Variants in UBE2L3 observed in about 807,000 individuals in gnomAD.
The protein encoded by UBE2L3 is ubiquitin conjugating enzyme E2 L3.
A neutral mutation model predicts 17.8 loss-of-function variants in UBE2L3; 1 was observed. That is an observed-to-expected ratio of 0.06 (90% CI 0.02 to 0.27). The LOEUF (loss-of-function observed/expected upper bound fraction) is 0.27, where lower values mean the gene tolerates loss of function less well. UBE2L3 is among the 10% of genes least tolerant of loss of function. The probability of loss-of-function intolerance (pLI) is 1.00; values close to 1 mark genes in which losing one functional copy is unlikely to be tolerated. For missense variants in UBE2L3, 40 were observed against 192.6 expected (o/e 0.21, Z 4.69); for synonymous variants, 44 against 68.5 (o/e 0.64, Z 1.76).
chr22:21,604,015 A>G (rs2266964), intron 2 of UBE2L3, among the ~76,000 whole-genome samples: 46,363 of 149,890 alleles, frequency 0.31, 8,258 homozygotes, highest in East Asian at 0.51. Context: ...GGGCTTAAGC[A>G]ATCCTCCCAC....
intron 1 of UBE2L3, among the ~76,000 whole-genome samples, chr22:21,591,624 A>G (rs1258897902): frequency 6.6e-6 from 1 of 152,028 alleles, no homozygotes; most frequent in Non-Finnish European, 1.5e-5. Flanking sequence ...TGCCTTTTAA[A>G]CTACCACTGT....
chr22:21,582,582 A>G (rs544003244), intron 1 of UBE2L3, among the ~76,000 whole-genome samples: 3 of 151,502 alleles, frequency 2.0e-5, no homozygotes, highest in Non-Finnish European at 4.4e-5. Flanking sequence ...CTGGAGTGCA[A>G]TGGCGCGATC....
At chr22:21,598,464 T>C (rs1928676224) in intron 2 of UBE2L3, among the ~76,000 whole-genome samples, 2 of 151,866 alleles carry the variant, frequency 1.3e-5, no homozygotes, top group Non-Finnish European at 2.9e-5. Flanking sequence ...AGAGAGTACG[T>C]TTAATTTCCC....
chr22:21,568,124 G>T (rs1926740738), intron 1 of UBE2L3: 23 of 1,059,320 alleles, frequency 2.2e-5, no homozygotes, highest in Non-Finnish European at 2.5e-5. Context: ...CAAACCGGGC[G>T]CCTTCGGGGA....
At chr22:21,572,289 G>T (rs1393510785) in intron 1 of UBE2L3, among the ~76,000 whole-genome samples, 1 of 151,940 alleles carries the variant, frequency 6.6e-6, no homozygotes, top group East Asian at 1.9e-4. Flanking sequence ...CAAAAAATTA[G>T]CTGGGCGTGG....
At chr22:21,621,190 A>G (rs1420064921) in intron 3 of UBE2L3, among the ~76,000 whole-genome samples, 3 of 152,098 alleles carry the variant, frequency 2.0e-5, no homozygotes, top group Non-Finnish European at 4.4e-5. Context: ...CCCCGCCAAG[A>G]AAAAAGGGCT....
At chr22:21,599,514 C>T (rs533772338) in intron 2 of UBE2L3, among the ~76,000 whole-genome samples, 2 of 152,066 alleles carry the variant, frequency 1.3e-5, no homozygotes, top group African/African-American at 2.4e-5. Flanking sequence ...GTCTCTTAAG[C>T]ACTGAGTGTG....
chr22:21,559,033 G>A (rs1241578068), intron 1 of UBE2L3, among the ~76,000 whole-genome samples: 3 of 151,584 alleles, frequency 2.0e-5, no homozygotes, highest in Non-Finnish European at 4.4e-5. Context: ...CCCTCTCCCG[G>A]TCCAGCTTTC....
chr22:21,611,180 A>T (rs993605961), intron 3 of UBE2L3, 137 bp downstream of exon 3: 4 of 1,048,318 alleles, frequency 3.8e-6, no homozygotes, highest in Middle Eastern at 2.4e-4. Context: ...GTCCTGTCAG[A>T]CCTTGTGGGA....
chr22:21,617,999 G>A (rs1929859908), intron 3 of UBE2L3, among the ~76,000 whole-genome samples: 1 of 151,996 alleles, frequency 6.6e-6, no homozygotes, highest in South Asian at 2.1e-4. Context: ...GGGTAACATG[G>A]TGAAACCCCA....
chr22:21,572,849 C>A (rs1185445673), intron 1 of UBE2L3, among the ~76,000 whole-genome samples: 3 of 152,192 alleles, frequency 2.0e-5, no homozygotes, highest in African/African-American at 7.2e-5. Context: ...GTTAATGGTT[C>A]ACTTGTCTAC....
intron 1 of UBE2L3, among the ~76,000 whole-genome samples, chr22:21,573,978 G>A (rs1927124942): frequency 6.6e-6 from 1 of 152,144 alleles, no homozygotes; most frequent in South Asian, 2.1e-4. Context: ...CAGTGCTGAT[G>A]GATTTAAGGA....
At chr22:21,582,213 T>C (rs1601407172) in intron 1 of UBE2L3, among the ~76,000 whole-genome samples, 1 of 151,964 alleles carries the variant, frequency 6.6e-6, no homozygotes, top group South Asian at 2.1e-4. Flanking sequence ...AGGGATTTTT[T>C]CCATGTGCTT....
chr22:21,584,094 C>T (rs899311106), intron 1 of UBE2L3, among the ~76,000 whole-genome samples: 3 of 151,788 alleles, frequency 2.0e-5, no homozygotes, highest in Admixed American at 6.6e-5. Flanking sequence ...AGGCTGGTCT[C>T]GAACTCCCGA....
At chr22:21,603,659 C>G (rs183020172) in intron 2 of UBE2L3, among the ~76,000 whole-genome samples, 1 of 150,588 alleles carries the variant, frequency 6.6e-6, no homozygotes, top group Non-Finnish European at 1.5e-5. Context: ...CTGGTTAACA[C>G]GGTGAAACCC....
chr22:21,593,815 C>A lies in UBE2L3; in HGVS notation c.123+859C>A, dbSNP rs151161068. 4.2e-3 allele frequency among the ~76,000 whole-genome samples: 644 copies of A among 152,254 alleles called. 3 individuals carry two copies. The highest frequency in any genetic ancestry group is 0.014 in the African/African-American group (596 of 41,534). ...CACGGGCAGCATTCCAGCCCCCAGT[C>A]CTGTGACCAGCCTGCCACTCGCTCC... On this transcript the variant is annotated intron_variant, in intron 2 of 3. Transcript: ENST00000342192.
chr22:21,576,483 A>G (rs1927303743), intron 1 of UBE2L3, among the ~76,000 whole-genome samples: 1 of 151,866 alleles, frequency 6.6e-6, no homozygotes, highest in South Asian at 2.1e-4. Context: ...TATTTTTAGT[A>G]GAGACGGGGT....
chr22:21,600,431 C>G (rs1928793586), intron 2 of UBE2L3, among the ~76,000 whole-genome samples: 1 of 152,096 alleles, frequency 6.6e-6, no homozygotes, highest in Non-Finnish European at 1.5e-5. Context: ...TGCAGTGGCT[C>G]ATGCCTGTAA....
At chr22:21,555,617 T>A (rs1317893912) in intron 1 of UBE2L3, among the ~76,000 whole-genome samples, 2 of 150,910 alleles carry the variant, frequency 1.3e-5, no homozygotes, top group Non-Finnish European at 2.9e-5. Context: ...AGTGCAAGAC[T>A]CCATCTCAAA....
Sources: gnomAD v4.1 joint callset for allele counts (sites outside exome capture counted in the v4.1 genomes callset) on GRCh38, gnomAD v4.1.1 for gene constraint, MANE v1.5 for transcripts, NCBI Gene and HGNC (gene_info 2026-07-23, HGNC 2026-07-21) for gene names.